The following CSMD1 variants were observed in gnomAD, a reference collection of about 807,000 sequenced individuals.
CSMD1 encodes the protein CUB and Sushi multiple domains 1.
A neutral mutation model predicts 417.5 loss-of-function variants in CSMD1; 213 were observed. The ratio of observed to expected loss-of-function variants is 0.51; its 90% confidence interval spans 0.46 to 0.57. The LOEUF (loss-of-function observed/expected upper bound fraction) is 0.57. Ranked by LOEUF, CSMD1 falls within the 20% of genes least tolerant of loss-of-function variation. The pLI, the probability that CSMD1 is intolerant of heterozygous loss-of-function variation, is 0.00. For missense variants in CSMD1, 6,923 were observed against 4,529.7 expected (o/e 1.53, Z -15.17); for synonymous variants, 2,862 against 1,736.8 (o/e 1.65, Z -16.11).
intron 1 of CSMD1, among the ~76,000 whole-genome samples, chr8:4,865,922 T>A (rs574074558): frequency 6.6e-6 from 1 of 151,968 alleles, no homozygotes; most frequent in South Asian, 2.1e-4. Flanking sequence ...GGAGCTTTCA[T>A]CTTCCTGTGT....
intron 1 of CSMD1, among the ~76,000 whole-genome samples, chr8:4,804,422 G>C (rs964322280): frequency 2.0e-5 from 3 of 151,456 alleles, no homozygotes; most frequent in Non-Finnish European, 2.9e-5. Context: ...TGCAATTACT[G>C]AATAAATTGC....
intron 1 of CSMD1, among the ~76,000 whole-genome samples, chr8:4,966,209 C>CA (rs33941630): frequency 0.063 from 5,572 of 89,088 alleles, 174 homozygotes; most frequent in African/African-American, 0.068. Context: ...ACTAAATATA[C>CA]AAAAAAAAAA....
intron 41 of CSMD1, among the ~76,000 whole-genome samples, chr8:3,122,790 T>G (rs1817283314): frequency 6.6e-6 from 1 of 152,162 alleles, no homozygotes; most frequent in Non-Finnish European, 1.5e-5. Flanking sequence ...CATTTCAACC[T>G]CTTTTTCTTC....
intron 7 of CSMD1, among the ~76,000 whole-genome samples, chr8:3,668,293 G>C (rs41491246): frequency 0.028 from 4,189 of 152,282 alleles, 92 homozygotes; most frequent in Middle Eastern, 0.037. Context: ...TGTAAAGGAA[G>C]ATATGAAGTG....
chr8:3,785,284 T>C (rs538205103), intron 5 of CSMD1, among the ~76,000 whole-genome samples: 3 of 152,324 alleles, frequency 2.0e-5, no homozygotes, highest in Admixed American at 6.5e-5. Context: ...GACAGAAGCA[T>C]TTATAAAATA....
At chr8:4,942,950 C>A (rs1808112868) in intron 1 of CSMD1, among the ~76,000 whole-genome samples, 1 of 152,068 alleles carries the variant, frequency 6.6e-6, no homozygotes, top group African/African-American at 2.4e-5. Flanking sequence ...GGTGTGCATT[C>A]AGGATTGAGA....
rs542120607 is a variant in CSMD1 at position 3,604,301 on chromosome 8, G to GA, written c.1097+12408_1097+12409insT. On this transcript the variant is annotated intron_variant, in intron 8 of 69. Coordinates refer to ENST00000635120, the MANE Select transcript of CSMD1 (RefSeq NM_033225.6). ...AAAGGCCAGAGGGAGGGAGGCTGCG[G>GA]GGGGGGACCAAAGGTCCATTTCAGA... Among the ~76,000 whole-genome samples, 481 of 152,216 alleles carry GA rather than the reference G, an allele frequency of 3.2e-3. 3 individuals carry two copies. Among genetic ancestry groups the GA allele is most frequent in the African/African-American group, 9.9e-3 (411 of 41,528 alleles).
At chr8:4,066,246 G>A (rs971249613) in intron 3 of CSMD1, among the ~76,000 whole-genome samples, 1 of 152,152 alleles carries the variant, frequency 6.6e-6, no homozygotes, top group Non-Finnish European at 1.5e-5. Context: ...TTTGTCTCCT[G>A]TTCCCACTGC....
At chr8:3,749,140 C>T (rs943991528) in intron 6 of CSMD1, among the ~76,000 whole-genome samples, 10 of 152,046 alleles carry the variant, frequency 6.6e-5, no homozygotes, top group African/African-American at 1.7e-4. Context: ...ACACTGAAAA[C>T]GTCTAGATGA....
At chr8:3,971,439 G>A (rs531077583) in intron 5 of CSMD1, among the ~76,000 whole-genome samples, 71 of 152,132 alleles carry the variant, frequency 4.7e-4, no homozygotes, top group Middle Eastern at 3.4e-3. Context: ...CTCTCTATAA[G>A]CTTTGGGATT....
chr8:3,548,262 T>C (rs550348400), intron 10 of CSMD1, among the ~76,000 whole-genome samples: 233 of 152,326 alleles, frequency 1.5e-3, no homozygotes, highest in African/African-American at 4.8e-3. Flanking sequence ...TCACTCTCTG[T>C]AGCCCTTGTC....
chr8:4,154,022 T>C (rs930136484), intron 3 of CSMD1, among the ~76,000 whole-genome samples: 2 of 152,336 alleles, frequency 1.3e-5, no homozygotes, highest in African/African-American at 4.8e-5. Flanking sequence ...TTTTGCACCG[T>C]ATTTTCAGCT....
chr8:3,562,127 C>T (rs1216773720), intron 10 of CSMD1, among the ~76,000 whole-genome samples: 3 of 118,160 alleles, frequency 2.5e-5, no homozygotes, highest in Non-Finnish European at 3.4e-5. Flanking sequence ...AAAGAAAATC[C>T]AACCCACAAA....
At chr8:3,603,041 C>G (rs1047041345) in intron 8 of CSMD1, among the ~76,000 whole-genome samples, 1 of 152,126 alleles carries the variant, frequency 6.6e-6, no homozygotes, top group South Asian at 2.1e-4. Context: ...TGGTGAATTG[C>G]TTATCAGAAG....
At chr8:4,674,825 A>T (rs189815331) in intron 1 of CSMD1, among the ~76,000 whole-genome samples, 2 of 151,834 alleles carry the variant, frequency 1.3e-5, no homozygotes, top group African/African-American at 4.9e-5. Flanking sequence ...TAAGCCCCCA[A>T]TGTGATATCT....
chr8:3,080,857 T>C (rs1159598438), intron 49 of CSMD1, among the ~76,000 whole-genome samples: 4 of 152,326 alleles, frequency 2.6e-5, no homozygotes, highest in African/African-American at 9.6e-5. Context: ...TGGAGGGGGA[T>C]GGCCCTCACA....
chr8:4,626,204 T>A (rs995468666), intron 2 of CSMD1, among the ~76,000 whole-genome samples: 1 of 152,144 alleles, frequency 6.6e-6, no homozygotes, highest in Non-Finnish European at 1.5e-5. Context: ...AGTTTTCCTC[T>A]TTTGGCTGAG....
chr8:4,332,956 A>AC (rs1430279966), intron 3 of CSMD1, among the ~76,000 whole-genome samples: 5 of 151,874 alleles, frequency 3.3e-5, no homozygotes, highest in South Asian at 2.1e-4. Context: ...AAAAAAAAAA[A>AC]ACTAAGATTT....
chr8:4,138,408 C>T (rs548788196), intron 3 of CSMD1, among the ~76,000 whole-genome samples: 1 of 152,036 alleles, frequency 6.6e-6, no homozygotes, highest in East Asian at 1.9e-4. Flanking sequence ...ACGTCCAGTT[C>T]TGAGCTCTCA....
Sources: gnomAD v4.1 joint callset for allele counts (sites outside exome capture counted in the v4.1 genomes callset) on GRCh38, gnomAD v4.1.1 for gene constraint, MANE v1.5 for transcripts, NCBI Gene and HGNC (gene_info 2026-07-23, HGNC 2026-07-21) for gene names.